Variants in GRM5 observed in about 807,000 individuals in gnomAD.
GRM5 encodes the protein metabotropic glutamate receptor 5.
A neutral mutation model predicts 83.1 loss-of-function variants in GRM5; 19 were observed. That is an observed-to-expected ratio of 0.23 (90% CI 0.16 to 0.34). The LOEUF (loss-of-function observed/expected upper bound fraction) is 0.34, where lower values mean the gene tolerates loss of function less well. Among genes scored for constraint, GRM5 ranks in the 10% least tolerant of loss-of-function variants. The pLI, the probability that GRM5 is intolerant of heterozygous loss-of-function variation, is 1.00. For missense variants in GRM5, 1,160 were observed against 1,588.3 expected (o/e 0.73, Z 4.58); for synonymous variants, 675 against 633.6 (o/e 1.07, Z -0.98).
intron 8 of GRM5, among the ~76,000 whole-genome samples, chr11:88,543,489 C>A (rs12362215): frequency 6.6e-6 from 1 of 151,522 alleles, no homozygotes; most frequent in Non-Finnish European, 1.5e-5. Context: ...GTGAGTGGGG[C>A]CTGGCAAGAC....
intron 4 of GRM5, among the ~76,000 whole-genome samples, chr11:88,629,704 T>A (rs1938910049): frequency 6.6e-6 from 1 of 152,190 alleles, no homozygotes; most frequent in Admixed American, 6.6e-5. Flanking sequence ...TGATTTCTCC[T>A]GTCCACAGAC....
At position 88,605,116 on chromosome 11, in the gene GRM5, A is replaced by G; in HGVS notation, c.1148-152T>C. On this transcript the variant is annotated intron_variant, in intron 4 of 9. Transcript: ENST00000305447. ...ATGGGTAACACTGAGAAACAGTACC[A>G]ACATAATGGGCCTGATAGTTATCTT... 7.8e-6 allele frequency: 5 copies of G among 640,672 alleles called. No homozygotes were observed. In the East Asian group the frequency reaches 1.3e-4, roughly 17 times the overall value. The allele number at this position is 640,672 out of a possible 1,614,324, so 39.7% of individuals were successfully genotyped here.
chr11:89,007,985 T>C (rs1452140658), intron 2 of GRM5, among the ~76,000 whole-genome samples: 1 of 152,224 alleles, frequency 6.6e-6, no homozygotes, highest in Non-Finnish European at 1.5e-5. Context: ...AACACAGTCC[T>C]GGATAATACT....
chr11:88,831,966 T>C (rs2135520654), intron 3 of GRM5, among the ~76,000 whole-genome samples: 1 of 152,274 alleles, frequency 6.6e-6, no homozygotes, highest in East Asian at 1.9e-4. Flanking sequence ...CCCAGGCACA[T>C]TTAGCCTGCC....
chr11:88,681,375 T>C (rs1940482300), intron 3 of GRM5, among the ~76,000 whole-genome samples: 1 of 151,910 alleles, frequency 6.6e-6, no homozygotes, highest in African/African-American at 2.4e-5. Context: ...ATGCTAACAT[T>C]CTTTTTTGCA....
At chr11:88,730,901 G>A (rs1221272165) in intron 3 of GRM5, among the ~76,000 whole-genome samples, 2 of 152,096 alleles carry the variant, frequency 1.3e-5, no homozygotes, top group Non-Finnish European at 2.9e-5. Context: ...ATAGCATTAG[G>A]AGAAATACCT....
chr11:88,528,286 C>T (rs1941927036), intron 8 of GRM5, among the ~76,000 whole-genome samples: 1 of 152,004 alleles, frequency 6.6e-6, no homozygotes, highest in African/African-American at 2.4e-5. Context: ...CTGAAAATGG[C>T]ATTAATACAG....
chr11:88,686,920 G>A (rs1379995923), intron 3 of GRM5, among the ~76,000 whole-genome samples: 1 of 152,004 alleles, frequency 6.6e-6, no homozygotes. Context: ...TCCTATTACA[G>A]TTTTAAGATT....
chr11:88,795,671 T>C (rs1943262705), intron 3 of GRM5, among the ~76,000 whole-genome samples: 1 of 152,214 alleles, frequency 6.6e-6, no homozygotes, highest in Non-Finnish European at 1.5e-5. Context: ...GCACTCTCCA[T>C]TTTACATATG....
chr11:88,750,694 T>C (rs1603900), intron 3 of GRM5, among the ~76,000 whole-genome samples: 110,042 of 151,930 alleles, frequency 0.72, 40,272 homozygotes, highest in African/African-American at 0.75. Flanking sequence ...CACTCCTCAG[T>C]GAATGCAAAA....
chr11:88,744,551 C>T (rs1942092992), intron 3 of GRM5, among the ~76,000 whole-genome samples: 1 of 152,128 alleles, frequency 6.6e-6, no homozygotes, highest in South Asian at 2.1e-4. Context: ...CTATGCCTTT[C>T]ACACACCCCA....
intron 3 of GRM5, among the ~76,000 whole-genome samples, chr11:88,686,848 T>C (rs574978414): frequency 1.3e-5 from 2 of 152,234 alleles, no homozygotes; most frequent in South Asian, 4.2e-4. Flanking sequence ...CTCAGGTTTG[T>C]CTTTATCAGC....
intron 1 of GRM5, among the ~76,000 whole-genome samples, chr11:89,064,900 G>GTGTGTC (rs1387804210): frequency 7.9e-5 from 6 of 76,166 alleles, no homozygotes; most frequent in African/African-American, 2.9e-4. Flanking sequence ...GTGTGTGTGT[G>GTGTGTC]TGTGTGTGTG....
intron 2 of GRM5, among the ~76,000 whole-genome samples, chr11:89,043,032 C>T (rs1400864934): frequency 2.6e-5 from 4 of 152,138 alleles, no homozygotes; most frequent in Non-Finnish European, 2.9e-5. Context: ...TGAAGTGTAG[C>T]GTGAACAGGA....
intron 8 of GRM5, among the ~76,000 whole-genome samples, chr11:88,536,279 C>A (rs1000128350): frequency 3.3e-5 from 5 of 152,012 alleles, no homozygotes; most frequent in Non-Finnish European, 5.9e-5. Context: ...AGGTGTCACA[C>A]ACACAAAAAA....
intron 8 of GRM5, among the ~76,000 whole-genome samples, chr11:88,565,547 C>A (rs1032368041): frequency 2.8e-4 from 43 of 152,202 alleles, no homozygotes; most frequent in African/African-American, 9.6e-4. Context: ...ACAGATAGGA[C>A]TTGAAGAAAA....
At chr11:88,995,134 T>C (rs1940137579) in intron 2 of GRM5, among the ~76,000 whole-genome samples, 1 of 152,100 alleles carries the variant, frequency 6.6e-6, no homozygotes, top group Admixed American at 6.6e-5. Context: ...TTAAAAATCA[T>C]AGAGTAATTT....
At chr11:88,740,459 G>A (rs1402544453) in intron 3 of GRM5, among the ~76,000 whole-genome samples, 1 of 151,980 alleles carries the variant, frequency 6.6e-6, no homozygotes, top group African/African-American at 2.4e-5. Context: ...TTAAGATTCA[G>A]TTGGGTACTG....
At chr11:88,794,099 G>C (rs1233843044) in intron 3 of GRM5, among the ~76,000 whole-genome samples, 1 of 152,048 alleles carries the variant, frequency 6.6e-6, no homozygotes, top group African/African-American at 2.4e-5. Flanking sequence ...AAAATTGCTG[G>C]GATTGAAGGT....
Sources: allele counts gnomAD v4.1 joint callset (sites outside exome capture counted in the v4.1 genomes callset), GRCh38; gene constraint gnomAD v4.1.1; transcripts MANE v1.5; gene names NCBI Gene and HGNC (gene_info 2026-07-23, HGNC 2026-07-21).